The following KIRREL3 variants were observed in gnomAD, a reference collection of about 807,000 sequenced individuals.
The protein encoded by KIRREL3 is kirre like nephrin family adhesion molecule 3.
KIRREL3 carries 36 observed loss-of-function variants against 89.7 expected under a neutral mutation model. That is an observed-to-expected ratio of 0.40 (90% CI 0.31 to 0.53). The LOEUF (loss-of-function observed/expected upper bound fraction) is 0.53, where lower values mean the gene tolerates loss of function less well. KIRREL3 is among the 20% of genes least tolerant of loss of function. KIRREL3 has a pLI of 0.49. For synonymous variants in KIRREL3, 445 were observed against 441.4 expected (o/e 1.01, Z -0.10); for missense variants, 864 against 1,056.6 (o/e 0.82, Z 2.53).
At chr11:126,629,710 G>A (rs980424539) in intron 1 of KIRREL3, among the ~76,000 whole-genome samples, 2 of 152,194 alleles carry the variant, frequency 1.3e-5, no homozygotes, top group Non-Finnish European at 2.9e-5. Flanking sequence ...GGAAAATGAG[G>A]TTGGACTATA....
rs981775848 is a variant in KIRREL3 at position 126,521,899 on chromosome 11, C to A, written c.284-435G>T. 6.6e-6 allele frequency among the ~76,000 whole-genome samples: 1 copy of A among 151,984 alleles called. No individual in the cohort carries two copies. On this transcript the variant is annotated intron_variant, in intron 3 of 16. Coordinates refer to ENST00000525144, the MANE Select transcript of KIRREL3 (RefSeq NM_032531.4). The surrounding 1 kb of genome is among the most constrained non-coding windows in gnomAD (Gnocchi z 4.1). ...AGCTGGGACTACAGACATGCACCAC[C>A]ACGTCGGCTAATTTTTTTATCTTTT... is the stretch of plus-strand genomic sequence containing the variant.
intron 4 of KIRREL3, among the ~76,000 whole-genome samples, chr11:126,503,787 C>G (rs1957937262): frequency 6.6e-6 from 1 of 151,162 alleles, no homozygotes; most frequent in African/African-American, 2.4e-5. Context: ...CTTTCCCTCC[C>G]TCTCCTTCTC....
At chr11:126,660,957 G>A (rs1232297234) in intron 1 of KIRREL3, among the ~76,000 whole-genome samples, 1 of 152,158 alleles carries the variant, frequency 6.6e-6, no homozygotes, top group African/African-American at 2.4e-5. Flanking sequence ...ATCATCTGAG[G>A]CCAGATGAAA....
At chr11:126,695,816 C>T (rs1947071026) in intron 1 of KIRREL3, among the ~76,000 whole-genome samples, 1 of 152,166 alleles carries the variant, frequency 6.6e-6, no homozygotes, top group South Asian at 2.1e-4. Context: ...TGAAGACAAG[C>T]AAGCTGATGG....
chr11:126,895,631 T>G (rs1237642342), intron 1 of KIRREL3, among the ~76,000 whole-genome samples: 1 of 152,016 alleles, frequency 6.6e-6, no homozygotes, highest in Non-Finnish European at 1.5e-5. Flanking sequence ...GAGGGAGACA[T>G]TAGTTCTAGG....
intron 1 of KIRREL3, among the ~76,000 whole-genome samples, chr11:126,592,111 T>G (rs1384846680): frequency 6.6e-6 from 1 of 152,170 alleles, no homozygotes; most frequent in Non-Finnish European, 1.5e-5. Flanking sequence ...CCAGGGCCTT[T>G]TGTCGAGCCC....
chr11:126,800,963 C>T (rs1435408092), intron 1 of KIRREL3, among the ~76,000 whole-genome samples: 1 of 152,150 alleles, frequency 6.6e-6, no homozygotes, highest in East Asian at 1.9e-4. Context: ...GGGACAGGGA[C>T]ATTTAGGAGT....
rs898703256 is a variant in KIRREL3, at chr11:126,924,186, C to T, written c.55+76269G>A. On this transcript the variant is annotated intron_variant, in intron 1 of 16. Coordinates refer to ENST00000525144, the MANE Select transcript of KIRREL3 (RefSeq NM_032531.4). This position sits in a 1 kb window ranked among gnomAD's most constrained non-coding sequence, Gnocchi z 4.7. The stretch of plus-strand genomic sequence containing the variant: ...TGATCCTGTCCCCTGGGTTCCTTCC[C>T]CCTTTCCCTGGCTCAGGCCACCATC... Among the ~76,000 whole-genome samples the T allele has an allele frequency of 2.6e-5, 4 of 152,200 alleles. No individual in the cohort carries two copies. The highest frequency in any genetic ancestry group is 2.0e-4 in the Admixed American group (3 of 15,286).
Position 126,805,589 on chromosome 11 carries a change from G to C in KIRREL3, c.55+194866C>G, listed in dbSNP as rs1951179168. 6.6e-6 allele frequency among the ~76,000 whole-genome samples: 1 copy of C among 152,128 alleles called. No homozygotes were observed. Among genetic ancestry groups the C allele is most frequent in the Admixed American group, 6.5e-5 (1 of 15,272 alleles). ...TTAATTAATGAATAAATTAAACAAG[G>C]CTTTTCCACTCTATCATCTTGTCAC... On this transcript the variant is annotated intron_variant, in intron 1 of 16. Coordinates refer to ENST00000525144, the MANE Select transcript of KIRREL3 (RefSeq NM_032531.4). This position sits in a 1 kb window ranked among gnomAD's most constrained non-coding sequence, Gnocchi z 4.3.
In KIRREL3 at chr11:126,476,812, C is replaced by T. The variant is rs146625418; in HGVS notation, c.434-3346G>A. 9.6e-3 allele frequency among the ~76,000 whole-genome samples: 1,469 copies of T among 152,252 alleles called. 11 individuals carry two copies. The highest frequency in any genetic ancestry group is 0.037 in the Middle Eastern group (11 of 294). On this transcript the variant is annotated intron_variant, in intron 4 of 16. Coordinates refer to ENST00000525144, the MANE Select transcript of KIRREL3 (RefSeq NM_032531.4). The surrounding 1 kb of genome is among the most constrained non-coding windows in gnomAD (Gnocchi z 6.4). ...TCAGACTCGGCCAGGCTGGGCCAGGCAGTGGCGAGGGGAGGAAGTTTCAGA... is the reference window on the plus strand; with the variant it reads ...TCAGACTCGGCCAGGCTGGGCCAGGTAGTGGCGAGGGGAGGAAGTTTCAGA...
chr11:126,818,880 C>T (rs1270047567), intron 1 of KIRREL3, among the ~76,000 whole-genome samples: 2 of 152,030 alleles, frequency 1.3e-5, no homozygotes, highest in African/African-American at 4.8e-5. Context: ...TGTTTGACTT[C>T]CTTAGACATG....
Position 126,496,762 on chromosome 11 carries a change from T to C in KIRREL3, c.434-23296A>G, listed in dbSNP as rs117426860. On this transcript the variant is annotated intron_variant, in intron 4 of 16. Transcript: ENST00000525144. This position sits in a 1 kb window ranked among gnomAD's most constrained non-coding sequence, Gnocchi z 4.9. ...TGCGTGCGAACTCAAGGCCTGAGGC[T>C]GTAGGCAGGGAGTCAGGGCTGGGGA... 0.058 allele frequency among the ~76,000 whole-genome samples: 8,780 copies of C among 152,156 alleles called. 275 individuals carry two copies. Among genetic ancestry groups the C allele is most frequent in the Middle Eastern group, 0.11 (31 of 294 alleles).
intron 1 of KIRREL3, among the ~76,000 whole-genome samples, chr11:126,966,950 A>G (rs1949290671): frequency 1.3e-5 from 2 of 152,186 alleles, no homozygotes; most frequent in Non-Finnish European, 1.5e-5. Flanking sequence ...TAGATTGCAG[A>G]AGACCTAGCC....
chr11:126,660,825 T>C (rs1332519894), intron 1 of KIRREL3, among the ~76,000 whole-genome samples: 1 of 152,156 alleles, frequency 6.6e-6, no homozygotes, highest in East Asian at 1.9e-4. Flanking sequence ...AGATGCAATA[T>C]GGTTTTCCCT....
chr11:126,898,734 A>G lies in KIRREL3; in HGVS notation c.55+101721T>C, dbSNP rs1277287534. Among the ~76,000 whole-genome samples the G allele has an allele frequency of 1.3e-5, 2 of 152,222 alleles. No homozygotes were observed. The highest frequency in any genetic ancestry group is 2.9e-5 in the Non-Finnish European group (2 of 68,046). On this transcript the variant is annotated intron_variant, in intron 1 of 16. Coordinates refer to ENST00000525144, the MANE Select transcript of KIRREL3 (RefSeq NM_032531.4). This position sits in a 1 kb window ranked among gnomAD's most constrained non-coding sequence, Gnocchi z 4.9. Reference sequence around the variant, plus strand: ...AGGAAGGGAAATGGAAGTGAGGACCAGAGACGAAGATGGAAAATATAAAAA... The same window carrying G: ...AGGAAGGGAAATGGAAGTGAGGACCGGAGACGAAGATGGAAAATATAAAAA...
In KIRREL3 at chr11:126,912,772, C is replaced by T. The variant is rs1422789292; in HGVS notation, c.55+87683G>A. 6.6e-6 allele frequency among the ~76,000 whole-genome samples: 1 copy of T among 152,224 alleles called. No homozygotes were observed. Among genetic ancestry groups the T allele is most frequent in the Non-Finnish European group, 1.5e-5 (1 of 68,042 alleles). ...TTACCAGCCTCTCCTTCCATTCCTG[C>T]TGGCATGGCAGGTGAAGTATAGCGA... On this transcript the variant is annotated intron_variant, in intron 1 of 16. Transcript: ENST00000525144. The surrounding 1 kb of genome is among the most constrained non-coding windows in gnomAD (Gnocchi z 4.7).
chr11:126,663,896 G>A (rs1945534590), intron 1 of KIRREL3, among the ~76,000 whole-genome samples: 1 of 152,240 alleles, frequency 6.6e-6, no homozygotes, highest in Non-Finnish European at 1.5e-5. Flanking sequence ...GGCCTGCTCT[G>A]ACTATAAGCA....
At chr11:126,759,083 C>A (rs554289836) in intron 1 of KIRREL3, among the ~76,000 whole-genome samples, 2 of 152,160 alleles carry the variant, frequency 1.3e-5, no homozygotes, top group Admixed American at 6.6e-5. Context: ...CAGGAAGAAA[C>A]TATTTTATTT....
Position 126,903,282 on chromosome 11 carries a change from C to CT in KIRREL3, c.55+97172dup, listed in dbSNP as rs564174790. Reference sequence around the variant, plus strand: ...GTTTAGGCACTCACATTTTTCTTTTCTTTTTTTTTTAAACTAATTTTTTCC... The same window carrying CT: ...GTTTAGGCACTCACATTTTTCTTTTCTTTTTTTTTTTAAACTAATTTTTTCC... On this transcript the variant is annotated intron_variant, in intron 1 of 16. Coordinates refer to ENST00000525144, the MANE Select transcript of KIRREL3 (RefSeq NM_032531.4). This position sits in a 1 kb window ranked among gnomAD's most constrained non-coding sequence, Gnocchi z 4.5. Among the ~76,000 whole-genome samples the CT allele has an allele frequency of 1.1e-3, 161 of 148,758 alleles. No individual in the cohort carries two copies. The highest frequency in any genetic ancestry group is 1.9e-3 in the Non-Finnish European group (128 of 66,910).
Sources: allele counts gnomAD v4.1 joint callset (sites outside exome capture counted in the v4.1 genomes callset), GRCh38; gene constraint gnomAD v4.1.1; non-coding constraint Gnocchi (gnomAD v3.1); transcripts MANE v1.5; gene names NCBI Gene and HGNC (gene_info 2026-07-23, HGNC 2026-07-21).